The following DCC variants were observed in gnomAD, a reference collection of about 807,000 sequenced individuals.
The protein encoded by DCC is netrin receptor DCC.
Under a neutral mutation model 172.5 loss-of-function variants are expected in DCC, and 58 were observed. The observed-to-expected ratio is 0.34, with a 90% CI of 0.27 to 0.42. The LOEUF (loss-of-function observed/expected upper bound fraction) is 0.42, where lower values mean the gene tolerates loss of function less well. Among genes scored for constraint, DCC ranks in the 10% least tolerant of loss-of-function variants. DCC has a pLI of 1.00. For synonymous variants in DCC, 709 were observed against 644.5 expected (o/e 1.10, Z -1.52); for missense variants, 1,740 against 1,791.0 (o/e 0.97, Z 0.51).
At chr18:52,937,901 A>G in intron 5 of DCC, among the ~76,000 whole-genome samples, 1 of 152,036 alleles carries the variant, frequency 6.6e-6, no homozygotes, top group Non-Finnish European at 1.5e-5. Flanking sequence ...CGGCCATGAC[A>G]TATCATTCGG....
chr18:53,413,431 G>A (rs972685933), intron 20 of DCC, among the ~76,000 whole-genome samples: 9 of 152,168 alleles, frequency 5.9e-5, no homozygotes, highest in East Asian at 1.9e-4. Flanking sequence ...AGGCACAAAT[G>A]TAAGCCATTT....
At chr18:52,934,259 C>A (rs1376719310) in intron 5 of DCC, among the ~76,000 whole-genome samples, 2 of 151,798 alleles carry the variant, frequency 1.3e-5, no homozygotes, top group African/African-American at 2.4e-5. Flanking sequence ...ATCAATATAA[C>A]AATATCTAGT....
chr18:53,177,608 G>A (rs1038983184), intron 8 of DCC, among the ~76,000 whole-genome samples: 106 of 152,116 alleles, frequency 7.0e-4, no homozygotes, highest in Non-Finnish European at 7.3e-4. Context: ...CACCCATATG[G>A]CTTCTAAGGT....
At chr18:53,344,035 CAG>C (rs2057693635) in intron 15 of DCC, among the ~76,000 whole-genome samples, 1 of 151,892 alleles carries the variant, frequency 6.6e-6, no homozygotes, top group Non-Finnish European at 1.5e-5. Context: ...GATATCTAGA[CAG>C]AGATTTACTA....
intron 25 of DCC, among the ~76,000 whole-genome samples, chr18:53,482,403 T>A (rs954011644): frequency 6.6e-6 from 1 of 152,104 alleles, no homozygotes; most frequent in Non-Finnish European, 1.5e-5. Context: ...AATACAAAAC[T>A]ATTAGAAAGT....
intron 7 of DCC, among the ~76,000 whole-genome samples, chr18:53,128,868 CACATATATATAT>C (rs2043608877): frequency 3.5e-5 from 2 of 57,436 alleles, no homozygotes; most frequent in African/African-American, 1.7e-4. Flanking sequence ...CACACACACA[CACATATATATAT>C]ATATATATAT....
chr18:53,311,022 A>G (rs547967383), intron 13 of DCC, among the ~76,000 whole-genome samples: 13 of 152,022 alleles, frequency 8.6e-5, no homozygotes, highest in Non-Finnish European at 1.5e-4. Context: ...ACACACATTG[A>G]GATTGAACTT....
intron 1 of DCC, among the ~76,000 whole-genome samples, chr18:52,525,278 C>T (rs1327879199): frequency 2.0e-5 from 3 of 152,068 alleles, no homozygotes; most frequent in South Asian, 2.1e-4. Flanking sequence ...GGTTGCTTTA[C>T]GTTTGTTAGT....
chr18:53,031,352 C>A (rs2042023140), intron 5 of DCC, among the ~76,000 whole-genome samples: 1 of 152,130 alleles, frequency 6.6e-6, no homozygotes, highest in African/African-American at 2.4e-5. Context: ...AGTCTTGTTG[C>A]ATTGTAAATT....
At chr18:53,190,892 G>A (rs2055357222) in intron 9 of DCC, among the ~76,000 whole-genome samples, 1 of 152,166 alleles carries the variant, frequency 6.6e-6, no homozygotes, top group Non-Finnish European at 1.5e-5. Context: ...CTTGCAGTGA[G>A]CCGAGATCGC....
chr18:52,501,734 T>A lies in DCC; in HGVS notation c.91+160856T>A, dbSNP rs532201507. On this transcript the variant is annotated intron_variant, in intron 1 of 28. Coordinates refer to ENST00000442544, the MANE Select transcript of DCC (RefSeq NM_005215.4). ...CTCTTTTCTGTATAATATATTGCTG[T>A]CAAAATTTCTGAGTGGATATTTTTT... Among the ~76,000 whole-genome samples, 19 of 152,298 alleles carry A rather than the reference T, an allele frequency of 1.2e-4. No individual in the cohort carries two copies. In the East Asian group the frequency reaches 3.7e-3, roughly 29 times the overall value.
intron 13 of DCC, among the ~76,000 whole-genome samples, chr18:53,306,140 A>G (rs1416629431): frequency 6.6e-6 from 1 of 152,198 alleles, no homozygotes; most frequent in Non-Finnish European, 1.5e-5. Context: ...TAGATTGTAA[A>G]ACAAAGAGAG....
intron 5 of DCC, among the ~76,000 whole-genome samples, chr18:52,988,098 A>G (rs1321469360): frequency 6.6e-6 from 1 of 152,194 alleles, no homozygotes; most frequent in Non-Finnish European, 1.5e-5. Context: ...CCTCATTCCA[A>G]AAATAAATAA....
intron 15 of DCC, among the ~76,000 whole-genome samples, chr18:53,372,344 G>T (rs1369829815): frequency 6.6e-6 from 1 of 152,012 alleles, no homozygotes; most frequent in African/African-American, 2.4e-5. Context: ...ATTATCCTAA[G>T]CCACTAACAG....
intron 2 of DCC, among the ~76,000 whole-genome samples, chr18:52,792,112 T>G (rs1211109665): frequency 6.6e-6 from 1 of 152,042 alleles, no homozygotes; most frequent in Non-Finnish European, 1.5e-5. Context: ...AGAGAGTACC[T>G]ATTCCACTAG....
At chr18:53,390,118 C>T (rs11876805) in intron 16 of DCC, among the ~76,000 whole-genome samples, 64,305 of 151,878 alleles carry the variant, frequency 0.42, 15,390 homozygotes, top group Non-Finnish European at 0.55. Flanking sequence ...GAGACTGCAA[C>T]GTCTTCTCTT....
At chr18:53,256,101 T>A (rs1490416087) in intron 12 of DCC, among the ~76,000 whole-genome samples, 1 of 152,216 alleles carries the variant, frequency 6.6e-6, no homozygotes, top group East Asian at 1.9e-4. Context: ...TCATTGTAGA[T>A]TCTGGATATT....
intron 7 of DCC, among the ~76,000 whole-genome samples, chr18:53,126,217 A>G (rs562707032): frequency 1.1e-4 from 16 of 152,094 alleles, no homozygotes; most frequent in Non-Finnish European, 2.1e-4. Context: ...TTTTGCATGT[A>G]TTTTGCATAG....
At chr18:52,627,201 C>G (rs1232212892) in intron 1 of DCC, among the ~76,000 whole-genome samples, 2 of 152,160 alleles carry the variant, frequency 1.3e-5, no homozygotes, top group African/African-American at 4.8e-5. Context: ...AGCACTTTTC[C>G]TCCTTTGCAG....
Sources: gnomAD v4.1 joint callset for allele counts (sites outside exome capture counted in the v4.1 genomes callset) on GRCh38, gnomAD v4.1.1 for gene constraint, MANE v1.5 for transcripts, NCBI Gene and HGNC (gene_info 2026-07-23, HGNC 2026-07-21) for gene names.